Variants in KIF1B observed in about 807,000 individuals in gnomAD.
The protein encoded by KIF1B is kinesin-like protein KIF1B.
In KIF1B, 76 loss-of-function variants were observed where a neutral mutation model predicts 241.9. The observed-to-expected ratio is 0.31, with a 90% CI of 0.26 to 0.38. The LOEUF is 0.38. Ranked by LOEUF, KIF1B falls within the 10% of genes least tolerant of loss-of-function variation. The probability of loss-of-function intolerance (pLI) is 1.00; values close to 1 mark genes in which losing one functional copy is unlikely to be tolerated. For synonymous variants in KIF1B, 750 were observed against 796.7 expected (o/e 0.94, Z 0.99); for missense variants, 1,622 against 2,271.4 (o/e 0.71, Z 5.81).
At chr1:10,219,533 G>A (rs1646812894) in intron 1 of KIF1B, among the ~76,000 whole-genome samples, 2 of 151,832 alleles carry the variant, frequency 1.3e-5, no homozygotes, top group South Asian at 2.1e-4. Context: ...GAGGCAGGCG[G>A]ATCACCTGAG....
At chr1:10,227,032 C>CTTTTT (rs747870005) in intron 1 of KIF1B, among the ~76,000 whole-genome samples, 4 of 112,942 alleles carry the variant, frequency 3.5e-5, no homozygotes, top group Admixed American at 1.0e-4. Context: ...GCAAGTCTCT[C>CTTTTT]TTTTTTTTTT....
At chr1:10,340,205 T>G (rs1037134897) in intron 32 of KIF1B, among the ~76,000 whole-genome samples, 2 of 152,246 alleles carry the variant, frequency 1.3e-5, no homozygotes, top group Non-Finnish European at 2.9e-5. Context: ...AAGATACTTA[T>G]GTTGCTCGAT....
Position 10,268,247 on chromosome 1 carries a change from A to G in KIF1B, c.704A>G (p.Asn235Ser), listed in dbSNP as rs765617846. The G allele has an allele frequency of 8.1e-6, 13 of 1,607,576 alleles. No individual in the cohort carries two copies. The highest frequency in any genetic ancestry group is 8.0e-5 in the African/African-American group (6 of 74,770). Residue 235 changes from asparagine (N) to serine (S), a missense_variant, in exon 7 of 49, where the codon AAC becomes AGC. Asn to Ser is a conservative substitution (Grantham distance 46). Coordinates refer to ENST00000676179, the MANE Select transcript of KIF1B (RefSeq NM_001365951.3). Reference protein sequence around the residue: ...FTQKKHDNETNLSTEKVSKIS... With the variant: ...FTQKKHDNETSLSTEKVSKIS... Reference sequence around the variant, plus strand: ...CAGAAGAAACACGATAATGAGACCAACCTTTCCACTGAGAAGGTAGGAGAG... The same window carrying G: ...CAGAAGAAACACGATAATGAGACCAGCCTTTCCACTGAGAAGGTAGGAGAG...
chr1:10,247,657 C>T (rs1007513191), intron 2 of KIF1B, among the ~76,000 whole-genome samples: 2 of 152,106 alleles, frequency 1.3e-5, no homozygotes, highest in Non-Finnish European at 2.9e-5. Context: ...TATTAATATG[C>T]CCATATTACA....
chr1:10,268,813 C>T (rs561539551), intron 7 of KIF1B, among the ~76,000 whole-genome samples: 10 of 152,130 alleles, frequency 6.6e-5, no homozygotes, highest in African/African-American at 2.4e-4. Context: ...GGATTGCTTG[C>T]TTTGAATTCT....
chr1:10,291,967 G>A, intron 16 of KIF1B, 80 bp from the exon 17 acceptor site: 1 of 1,220,976 alleles, frequency 8.2e-7, no homozygotes. Context: ...TGCTTTGCAG[G>A]CTTTATTTTC....
intron 22 of KIF1B, among the ~76,000 whole-genome samples, chr1:10,319,726 C>T (rs1255715569): frequency 3.3e-5 from 5 of 152,252 alleles, no homozygotes; most frequent in Admixed American, 2.0e-4. Flanking sequence ...AAGGTATACA[C>T]GTGTTATTTC....
Position 10,303,510 on chromosome 1 carries a change from C to A in KIF1B, c.2115+6264C>A. 3 of 1,614,132 alleles carry A rather than the reference C, an allele frequency of 1.9e-6. No homozygotes were observed. Among genetic ancestry groups the A allele is most frequent in the Non-Finnish European group, 2.5e-6 (3 of 1,180,022 alleles). ...TGAAGGAGCTTTGTGCCATGTATGG[C>A]AAGAAAGACCCCAATGAGCGGGACT... On this transcript the variant is annotated intron_variant, in intron 22 of 48. Coordinates refer to ENST00000676179, the MANE Select transcript of KIF1B (RefSeq NM_001365951.3). The surrounding 1 kb of genome is among the most constrained non-coding windows in gnomAD (Gnocchi z 5.2).
intron 2 of KIF1B, among the ~76,000 whole-genome samples, chr1:10,244,014 TTTTTCCTA>T (rs1647173286): frequency 6.6e-6 from 1 of 152,194 alleles, no homozygotes; most frequent in African/African-American, 2.4e-5. Flanking sequence ...AGTTATAATT[TTTTTCCTA>T]TTTTCCTATT....
chr1:10,270,636 A>G (rs1648737063), intron 7 of KIF1B, among the ~76,000 whole-genome samples: 1 of 152,150 alleles, frequency 6.6e-6, no homozygotes, highest in Non-Finnish European at 1.5e-5. Context: ...TCCTTAAGAA[A>G]TGTCAAGGCT....
At chr1:10,253,174 G>A (rs1003532517) in intron 2 of KIF1B, among the ~76,000 whole-genome samples, 4 of 152,222 alleles carry the variant, frequency 2.6e-5, no homozygotes, top group Non-Finnish European at 5.9e-5. Context: ...AAATGATGGT[G>A]TCTGGGCTAA....
chr1:10,310,079 CT>C (rs1651003335), intron 22 of KIF1B, among the ~76,000 whole-genome samples: 1 of 151,544 alleles, frequency 6.6e-6, no homozygotes, highest in Non-Finnish European at 1.5e-5. Flanking sequence ...ATTATCTTTT[CT>C]TTGTATTTGT....
At chr1:10,322,964 G>A (rs1391953494) in intron 24 of KIF1B, among the ~76,000 whole-genome samples, 1 of 152,086 alleles carries the variant, frequency 6.6e-6, no homozygotes, top group East Asian at 1.9e-4. Flanking sequence ...GATAGGATCT[G>A]GCTCTGTCGC....
rs1171227701 is a variant in KIF1B, at chr1:10,214,587, C to CT, written c.-80+3709_-80+3710insT. Among the ~76,000 whole-genome samples the CT allele has an allele frequency of 5.9e-3, 805 of 136,846 alleles. 23 individuals are homozygous for CT. Among genetic ancestry groups the CT allele is most frequent in the African/African-American group, 0.016 (575 of 35,988 alleles). The allele number at this position is 136,846 out of a possible 152,430, so 89.8% of individuals were successfully genotyped here. ...ACAGGCATGAGCCACCGTGCCCTGC[C>CT]CTTTTTTTTTTTTGGGATGGAGTCT... On this transcript the variant is annotated intron_variant, in intron 1 of 48. Coordinates refer to ENST00000676179, the MANE Select transcript of KIF1B (RefSeq NM_001365951.3).
At chr1:10,278,688 C>A in intron 13 of KIF1B, 1 of 186,402 alleles carries the variant, frequency 5.4e-6, no homozygotes, top group Non-Finnish European at 1.1e-5. Context: ...AACTACACTT[C>A]CAGAGAGTAT....
intron 22 of KIF1B, among the ~76,000 whole-genome samples, chr1:10,315,413 TG>T (rs1414146179): frequency 1.3e-5 from 2 of 150,972 alleles, no homozygotes; most frequent in Non-Finnish European, 2.9e-5. Context: ...TGACCTCAGG[TG>T]ATCTGCCTGC....
In KIF1B at chr1:10,374,944, T is replaced by C. The variant is rs758325730; in HGVS notation, c.5187T>C (p.Tyr1729=). The C allele has an allele frequency of 1.9e-6, 3 of 1,614,188 alleles. No individual in the cohort carries two copies. The highest frequency in any genetic ancestry group is 2.2e-5 in the South Asian group (2 of 91,088). The change falls in exon 47 of 49, where the codon TAT becomes TAC. Residue 1729 remains tyrosine (Y), a synonymous_variant. Transcript: ENST00000676179. This position sits in a 1 kb window ranked among gnomAD's most constrained non-coding sequence, Gnocchi z 4.3. ...AKHFVVVRRP[Y]VFIYNSDKDP... is the part of the protein sequence containing the mutation. ...ATTTTGTTGTCGTCCGTCGGCCTTA[T>C]GTCTTCATCTATAACAGTGACAAAG...
At chr1:10,220,546 A>T (rs762302238) in intron 1 of KIF1B, among the ~76,000 whole-genome samples, 1 of 152,152 alleles carries the variant, frequency 6.6e-6, no homozygotes, top group Admixed American at 6.5e-5. Flanking sequence ...ATGCATGCCT[A>T]TAGTACCCAG....
At chr1:10,294,870 A>T (rs1010631002) in intron 17 of KIF1B, among the ~76,000 whole-genome samples, 1 of 152,194 alleles carries the variant, frequency 6.6e-6, no homozygotes, top group African/African-American at 2.4e-5. Flanking sequence ...AAATTAATTA[A>T]TTAATTAAAA....
Sources: allele counts gnomAD v4.1 joint callset (sites outside exome capture counted in the v4.1 genomes callset), GRCh38; gene constraint gnomAD v4.1.1; non-coding constraint Gnocchi (gnomAD v3.1); transcripts MANE v1.5; gene names NCBI Gene and HGNC (gene_info 2026-07-23, HGNC 2026-07-21).